ZNF385D: variants seen among roughly 807,000 people sequenced by gnomAD.
ZNF385D encodes the protein zinc finger protein 659.
In ZNF385D, 15 loss-of-function variants were observed where a neutral mutation model predicts 35.8. That is an observed-to-expected ratio of 0.42 (90% CI 0.28 to 0.64). The LOEUF is 0.64. ZNF385D is among the 30% of genes least tolerant of loss of function. The pLI, the probability that ZNF385D is intolerant of heterozygous loss-of-function variation, is 0.23. For missense variants in ZNF385D, 474 were observed against 494.6 expected (o/e 0.96, Z 0.39); for synonymous variants, 212 against 186.8 (o/e 1.13, Z -1.10).
chr3:22,287,867 T>C (rs1702106299), intron 2 of ZNF385D, among the ~76,000 whole-genome samples: 1 of 152,074 alleles, frequency 6.6e-6, no homozygotes, highest in Admixed American at 6.6e-5. Context: ...CATTCACATG[T>C]TTTCTTTTAC....
At chr3:22,251,670 T>C (rs75332862) in intron 2 of ZNF385D, among the ~76,000 whole-genome samples, 1 of 152,050 alleles carries the variant, frequency 6.6e-6, no homozygotes, top group African/African-American at 2.4e-5. Flanking sequence ...GTCTCCAACA[T>C]TGCCAAATGA....
At chr3:22,271,837 G>T (rs1046465852) in intron 2 of ZNF385D, among the ~76,000 whole-genome samples, 6 of 151,796 alleles carry the variant, frequency 4.0e-5, no homozygotes, top group Non-Finnish European at 7.4e-5. Context: ...CTATACAGAT[G>T]GTCCCTGGCT....
chr3:22,046,760 G>T (rs576065009), intron 3 of ZNF385D, among the ~76,000 whole-genome samples: 5 of 152,190 alleles, frequency 3.3e-5, no homozygotes, highest in Non-Finnish European at 5.9e-5. Context: ...TTCATTTGGA[G>T]CAGATATTAT....
At chr3:21,783,423 C>T (rs1430396144) in intron 3 of ZNF385D, among the ~76,000 whole-genome samples, 2 of 152,120 alleles carry the variant, frequency 1.3e-5, no homozygotes, top group African/African-American at 2.4e-5. Flanking sequence ...AGGGAAACAG[C>T]ACCTTCTCCT....
At chr3:21,967,835 G>A (rs974430121) in intron 3 of ZNF385D, among the ~76,000 whole-genome samples, 2 of 152,152 alleles carry the variant, frequency 1.3e-5, no homozygotes, top group African/African-American at 4.8e-5. Context: ...GAAACCTCCC[G>A]TGATTATTCC....
intron 3 of ZNF385D, among the ~76,000 whole-genome samples, chr3:21,861,957 C>G (rs1447247300): frequency 6.6e-6 from 1 of 152,048 alleles, no homozygotes; most frequent in Non-Finnish European, 1.5e-5. Flanking sequence ...CCATGCCATG[C>G]CTTGAAGACG....
chr3:22,137,368 A>G (rs1576383020), intron 3 of ZNF385D, among the ~76,000 whole-genome samples: 2 of 152,290 alleles, frequency 1.3e-5, no homozygotes, highest in South Asian at 2.1e-4. Flanking sequence ...GACACAACAA[A>G]AAAAGAGAAT....
At position 21,750,889 on chromosome 3, in the gene ZNF385D, A is replaced by G. The variant is rs773138262; in HGVS notation, c.22+6T>C. 3 of 1,614,050 alleles carry G rather than the reference A, an allele frequency of 1.9e-6. No individual in the cohort carries two copies. The highest frequency in any genetic ancestry group is 2.5e-6 in the Non-Finnish European group (3 of 1,179,996). Reference sequence around the variant, plus strand: ...CCAGAATTACATCATCAGAGTGAACACTCACCAAAATACATTATGTTTCTC... The same window carrying G: ...CCAGAATTACATCATCAGAGTGAACGCTCACCAAAATACATTATGTTTCTC... On this transcript the variant is annotated splice_donor_region_variant and intron_variant, in intron 1 of 7. Coordinates refer to ENST00000281523, the MANE Select transcript of ZNF385D (RefSeq NM_024697.3).
chr3:21,444,445 C>T (rs1391221414), intron 4 of ZNF385D, among the ~76,000 whole-genome samples: 6 of 141,818 alleles, frequency 4.2e-5, no homozygotes, highest in East Asian at 2.3e-4. Context: ...AGTGCAGTGG[C>T]GCAATCCCGG....
At position 21,416,354 on chromosome 3, in the gene ZNF385D, T is replaced by G. The variant is rs1286525006; in HGVS notation, c.*4860A>C. ...CATGAACTTCTAATAAAATAACACA[T>G]ATTTTTCCAGAGTAGAACCTGCCTT... On this transcript the variant is annotated 3_prime_UTR_variant, in exon 8 of 8. Transcript: ENST00000281523. 7.2e-5 allele frequency: 11 copies of G among 152,232 alleles called. No homozygotes were observed. Among genetic ancestry groups the G allele is most frequent in the African/African-American group, 2.6e-4 (11 of 41,554 alleles). 9.4% of individuals were successfully genotyped at this position (152,232 alleles called of 1,614,324 possible). A position where few individuals can be genotyped will look rare whatever the true frequency, so the allele number is the denominator to read the frequency against.
At chr3:22,282,083 A>C (rs544208895) in intron 2 of ZNF385D, among the ~76,000 whole-genome samples, 2 of 152,084 alleles carry the variant, frequency 1.3e-5, no homozygotes, top group South Asian at 2.1e-4. Context: ...CTGTGTTATC[A>C]GTTGTAATAT....
chr3:22,123,922 A>ATCTCTCTCTC lies in ZNF385D; in HGVS notation c.325+44885_325+44894dup, dbSNP rs34781505. 4.9e-3 allele frequency among the ~76,000 whole-genome samples: 396 copies of ATCTCTCTCTC among 80,226 alleles called. 5 individuals are homozygous for ATCTCTCTCTC. Among genetic ancestry groups the ATCTCTCTCTC allele is most frequent in the Middle Eastern group, 9.8e-3 (1 of 102 alleles). 52.6% of individuals were successfully genotyped at this position (80,226 alleles called of 152,430 possible). On this transcript the variant is annotated intron_variant, in intron 3 of 5. Transcript: ENST00000494108. ...AAAACAAAAACTAGAGCTAGACTCC[A>ATCTCTCTCTC]TCTCTCTCTCTCTCTCTCTCTCTCT... is the stretch of plus-strand genomic sequence containing the variant.
At chr3:21,685,309 G>T (rs1457800945) in intron 1 of ZNF385D, among the ~76,000 whole-genome samples, 1 of 152,148 alleles carries the variant, frequency 6.6e-6, no homozygotes, top group Non-Finnish European at 1.5e-5. Flanking sequence ...TTGCCTTGGT[G>T]ACAAGAATTC....
chr3:22,328,422 C>G (rs188006962), intron 2 of ZNF385D, among the ~76,000 whole-genome samples: 2 of 152,234 alleles, frequency 1.3e-5, no homozygotes, highest in South Asian at 2.1e-4. Context: ...ACATTGAACA[C>G]CTGCATTACC....
chr3:22,266,638 C>T (rs925344989), intron 2 of ZNF385D, among the ~76,000 whole-genome samples: 3 of 151,958 alleles, frequency 2.0e-5, no homozygotes, highest in East Asian at 2.0e-4. Flanking sequence ...TGAATAGTTA[C>T]GATAGACACT....
chr3:21,458,816 G>T (rs58495356), intron 4 of ZNF385D, among the ~76,000 whole-genome samples: 3 of 146,700 alleles, frequency 2.0e-5, no homozygotes, highest in Admixed American at 6.8e-5. Context: ...ATGCGGGGTG[G>T]GGGGGCGGGA....
chr3:21,581,148 C>T (rs890793747), intron 2 of ZNF385D, among the ~76,000 whole-genome samples: 45 of 152,176 alleles, frequency 3.0e-4, no homozygotes, highest in African/African-American at 1.1e-3. Flanking sequence ...CATTCATTTT[C>T]CATTACTGCT....
chr3:22,123,471 C>T (rs2125670198), intron 3 of ZNF385D, among the ~76,000 whole-genome samples: 1 of 152,168 alleles, frequency 6.6e-6, no homozygotes, highest in Non-Finnish European at 1.5e-5. Flanking sequence ...ATGGGGTATG[C>T]ATTACCTCAA....
chr3:22,364,053 G>C (rs1212065770), intron 2 of ZNF385D, among the ~76,000 whole-genome samples: 1 of 152,148 alleles, frequency 6.6e-6, no homozygotes, highest in African/African-American at 2.4e-5. Flanking sequence ...CATTATGTTT[G>C]TGATAGTATT....
Sources: allele counts gnomAD v4.1 joint callset (sites outside exome capture counted in the v4.1 genomes callset), GRCh38; gene constraint gnomAD v4.1.1; transcripts MANE v1.5; gene names NCBI Gene and HGNC (gene_info 2026-07-23, HGNC 2026-07-21).